ATP6V0A4: variants seen among roughly 807,000 people sequenced by gnomAD.
The protein encoded by ATP6V0A4 is V-type proton ATPase 116 kDa subunit a 4.
In ATP6V0A4, 86 loss-of-function variants were observed where a neutral mutation model predicts 107.3. That is an observed-to-expected ratio of 0.80 (90% CI 0.67 to 0.96). The LOEUF (loss-of-function observed/expected upper bound fraction) is 0.96, where lower values mean the gene tolerates loss of function less well. Ranked by LOEUF, ATP6V0A4 falls within the 40% of genes least tolerant of loss-of-function variation. The pLI, the probability that ATP6V0A4 is intolerant of heterozygous loss-of-function variation, is 0.00. For missense variants in ATP6V0A4, 908 were observed against 1,045.6 expected (o/e 0.87, Z 1.81); for synonymous variants, 353 against 381.4 (o/e 0.93, Z 0.87).
intron 15 of ATP6V0A4, among the ~76,000 whole-genome samples, chr7:138,737,909 G>A (rs6945933): frequency 0.55 from 83,173 of 151,516 alleles, 23,620 homozygotes; most frequent in East Asian, 0.92. Flanking sequence ...CTACTGGTGT[G>A]TGCCACCATG....
At chr7:138,782,200 G>A (rs1354216014) in intron 2 of ATP6V0A4, among the ~76,000 whole-genome samples, 1 of 152,174 alleles carries the variant, frequency 6.6e-6, no homozygotes, top group Admixed American at 6.5e-5. Flanking sequence ...AGGCTGTGAG[G>A]AAGAATCTTC....
At chr7:138,751,364 C>T (rs1253569874) in intron 11 of ATP6V0A4, among the ~76,000 whole-genome samples, 1 of 152,102 alleles carries the variant, frequency 6.6e-6, no homozygotes, top group East Asian at 1.9e-4. Flanking sequence ...GCTCTGAAGA[C>T]GAGTGACTAA....
intron 15 of ATP6V0A4, among the ~76,000 whole-genome samples, chr7:138,735,159 G>A (rs1805250835): frequency 6.6e-6 from 1 of 152,100 alleles, no homozygotes; most frequent in African/African-American, 2.4e-5. Flanking sequence ...GGGCTGGTGG[G>A]TGGAGGGGTT....
At chr7:138,774,246 A>C (rs971339094) in intron 2 of ATP6V0A4, among the ~76,000 whole-genome samples, 1 of 152,194 alleles carries the variant, frequency 6.6e-6, no homozygotes, top group Non-Finnish European at 1.5e-5. Context: ...AGTAAACCAA[A>C]ACATCCCTTG....
In ATP6V0A4 at chr7:138,798,186, G is replaced by A. The variant is rs944198493; in HGVS notation, c.-273C>T. Reference sequence around the variant, plus strand: ...CTCCCTCCACTCGGCTTGCTCGGCAGGTAGCGTTATGAGCTTTATTCATGG... The same window carrying A: ...CTCCCTCCACTCGGCTTGCTCGGCAAGTAGCGTTATGAGCTTTATTCATGG... On this transcript the variant is annotated 5_prime_UTR_variant, in exon 1 of 22. Coordinates refer to ENST00000310018, the MANE Select transcript of ATP6V0A4 (RefSeq NM_020632.3). 6.3e-7 allele frequency: 1 copy of A among 1,589,208 alleles called. No homozygotes were observed. The highest frequency in any genetic ancestry group is 1.3e-5 in the African/African-American group (1 of 74,462).
At chr7:138,777,182 T>G in intron 2 of ATP6V0A4, among the ~76,000 whole-genome samples, 1 of 151,028 alleles carries the variant, frequency 6.6e-6, no homozygotes. Flanking sequence ...ATGTGTATGG[T>G]ATGTCAGAGT....
intron 2 of ATP6V0A4, among the ~76,000 whole-genome samples, chr7:138,784,324 T>TGTA (rs1808084473): frequency 1.5e-5 from 2 of 133,046 alleles, no homozygotes; most frequent in African/African-American, 6.1e-5. Context: ...ATATATGTAT[T>TGTA]TTTTTTTTTT....
rs140118093 is a variant in ATP6V0A4, at chr7:138,744,225, A to C, written c.1478+898T>G. 1.9e-3 allele frequency among the ~76,000 whole-genome samples: 259 copies of C among 137,144 alleles called. 2 individuals are homozygous for C. The highest frequency in any genetic ancestry group is 6.8e-3 in the African/African-American group (249 of 36,560). 90.0% of individuals were successfully genotyped at this position (137,144 alleles called of 152,430 possible). A position where few individuals can be genotyped will look rare whatever the true frequency, so the allele number is the denominator to read the frequency against. The stretch of plus-strand genomic sequence containing the variant: ...GGGAGACAGCATTACAAAACCAACC[A>C]TTTCCTCATCTGCTTTTTTTTTTTT... On this transcript the variant is annotated intron_variant, in intron 14 of 21. Transcript: ENST00000310018.
chr7:138,784,178 T>A (rs561508608), intron 2 of ATP6V0A4, among the ~76,000 whole-genome samples: 118 of 148,552 alleles, frequency 7.9e-4, no homozygotes, highest in African/African-American at 2.7e-3. Flanking sequence ...TTGAATTTTT[T>A]AAAAAGAAAC....
At chr7:138,797,025 T>G (rs60317262) in intron 1 of ATP6V0A4, among the ~76,000 whole-genome samples, 2 of 151,942 alleles carry the variant, frequency 1.3e-5, no homozygotes, top group Non-Finnish European at 2.9e-5. Context: ...GCTCTCCTCT[T>G]GCCTCCCCAC....
intron 9 of ATP6V0A4, among the ~76,000 whole-genome samples, chr7:138,756,195 G>A (rs1030376932): frequency 1.4e-4 from 22 of 152,228 alleles, no homozygotes; most frequent in African/African-American, 5.3e-4. Context: ...CTCTGGAGCA[G>A]CTGATGAAAA....
intron 15 of ATP6V0A4, among the ~76,000 whole-genome samples, chr7:138,736,170 G>A (rs1805313156): frequency 6.6e-6 from 1 of 152,168 alleles, no homozygotes; most frequent in South Asian, 2.1e-4. Context: ...TGAGGCCCAG[G>A]AGGTCGAGGC....
In ATP6V0A4 at chr7:138,768,844, A is replaced by G. The variant is rs1199544035; in HGVS notation, c.227T>C (p.Ile76Thr). 8.7e-6 allele frequency: 14 copies of G among 1,614,052 alleles called. No homozygotes were observed. The highest frequency in any genetic ancestry group is 1.1e-5 in the Non-Finnish European group (13 of 1,180,026). ...GCTTTTCTCGAGCAACTGAACTACA[A>G]TCTCATTTTGCATCTCGTCTTCCAG... ...RFLEDEMQNE[I>T]VVQLLEKSPL... is the part of the protein sequence containing the mutation. Residue 76 changes from isoleucine (I) to threonine (T), a missense_variant, in exon 5 of 22, where the codon ATT (isoleucine) becomes ACT (threonine). Coordinates refer to ENST00000310018, the MANE Select transcript of ATP6V0A4 (RefSeq NM_020632.3).
intron 8 of ATP6V0A4, among the ~76,000 whole-genome samples, 162 bp downstream of exon 8, chr7:138,759,590 T>A (rs1806688669): frequency 6.6e-6 from 1 of 151,898 alleles, no homozygotes. Flanking sequence ...TATATATTTT[T>A]AAAAAGGAAC....
At position 138,768,808 on chromosome 7, in the gene ATP6V0A4, G is replaced by C. The variant is rs200954029; in HGVS notation, c.263C>G (p.Pro88Arg). 3 of 1,614,160 alleles carry C rather than the reference G, an allele frequency of 1.9e-6. No individual in the cohort carries two copies. Among genetic ancestry groups the C allele is most frequent in the Non-Finnish European group, 2.5e-6 (3 of 1,180,036 alleles). Residue 88 changes from proline (P) to arginine (R), a missense_variant, in exon 5 of 22, where the codon CCG becomes CGG. Coordinates refer to ENST00000310018, the MANE Select transcript of ATP6V0A4 (RefSeq NM_020632.3). ...CAGGGTAATCATTTCCCGTGGGAGC[G>C]GGGTCAGTGGGCTTTTCTCGAGCAA... Reference protein sequence around the residue: ...VQLLEKSPLTPLPREMITLET... With the variant: ...VQLLEKSPLTRLPREMITLET...
At chr7:138,771,549 G>A (rs576907789) in intron 2 of ATP6V0A4, among the ~76,000 whole-genome samples, 8 of 152,274 alleles carry the variant, frequency 5.3e-5, no homozygotes, top group African/African-American at 1.9e-4. Context: ...CTACAGGTGT[G>A]CACCAGGATG....
rs912615549 is a variant in ATP6V0A4, at chr7:138,752,759, C to A, written c.895G>T (p.Val299Leu). ...TGGTAGACAGCTTTCATCTTCTGCA[C>A]CTTGATGAGCCAGGAGTGCCAGTTG... ...AANWHSWLIK[V>L]QKMKAVYHIL... The change falls in exon 11 of 22, where the codon GTG becomes TTG. Residue 299 changes from valine (V) to leucine (L), a missense_variant. Physicochemically the swap from Val to Leu is conservative, Grantham distance 32 (BLOSUM62 1). Transcript: ENST00000310018. 6.2e-7 allele frequency: 1 copy of A among 1,614,218 alleles called. No homozygotes were observed. The highest frequency in any genetic ancestry group is 8.5e-7 in the Non-Finnish European group (1 of 1,180,038).
chr7:138,792,776 T>C (rs1246136098), intron 1 of ATP6V0A4, among the ~76,000 whole-genome samples: 2 of 34,582 alleles, frequency 5.8e-5, no homozygotes, highest in Non-Finnish European at 1.1e-4. Context: ...GTTTTTTTTT[T>C]TGTTGTTTTG....
chr7:138,793,311 T>C (rs1194212869), intron 1 of ATP6V0A4, among the ~76,000 whole-genome samples: 2 of 151,962 alleles, frequency 1.3e-5, no homozygotes, highest in African/African-American at 2.4e-5. Context: ...ATAAAAGAGA[T>C]GAGGGATATT....
Sources: gnomAD v4.1 joint callset for allele counts (sites outside exome capture counted in the v4.1 genomes callset) on GRCh38, gnomAD v4.1.1 for gene constraint, MANE v1.5 for transcripts, NCBI Gene and HGNC (gene_info 2026-07-23, HGNC 2026-07-21) for gene names.